The following OR6C74 variants were observed in gnomAD, a reference collection of about 807,000 sequenced individuals.
The protein encoded by OR6C74 is olfactory receptor family 6 subfamily C member 74.
For synonymous variants in OR6C74, 142 were observed against 134.2 expected (o/e 1.06, Z -0.40); for missense variants, 361 against 362.9 (o/e 0.99, Z 0.04).
In OR6C74 at chr12:55,248,268, CAAG is replaced by C; in HGVS notation, c.*47_*49del. The C allele has an allele frequency of 7.7e-7, 1 of 1,290,588 alleles. No individual in the cohort carries two copies. The allele number at this position is 1,290,588 out of a possible 1,614,324, so 79.9% of individuals were successfully genotyped here. Reference sequence around the variant, plus strand: ...TATTAAGGTTATTAGTAAAATAAAACAAGAAGAGTGGAGTATGTGCAAAGTTTT... The same window carrying C: ...TATTAAGGTTATTAGTAAAATAAAACAAGAGTGGAGTATGTGCAAAGTTTT... On this transcript the variant is annotated 3_prime_UTR_variant, in exon 2 of 2. Coordinates refer to ENST00000343399, the MANE Select transcript of OR6C74 (RefSeq NM_001005490.2).
rs998440450 is a variant in OR6C74 at position 55,249,532 on chromosome 12, A to G, written c.*1306A>G. Among the ~76,000 whole-genome samples, 4 of 152,040 alleles carry G rather than the reference A, an allele frequency of 2.6e-5. No individual in the cohort carries two copies. The highest frequency in any genetic ancestry group is 9.7e-5 in the African/African-American group (4 of 41,434). ...GAAATTTTATTTGAATTTTACAAGCATTAGTGAGAAGCTTTAAATATATAT... is the reference window on the plus strand; with the variant it reads ...GAAATTTTATTTGAATTTTACAAGCGTTAGTGAGAAGCTTTAAATATATAT... On this transcript the variant is annotated 3_prime_UTR_variant, in exon 2 of 2. Transcript: ENST00000343399.
rs549737340 is a variant in OR6C74, at chr12:55,249,205, A to C, written c.*979A>C. Reference sequence around the variant, plus strand: ...CACAGAGTACCTTATTTTTCAAATTAAGTGGTTTGAACATTAAAATTAGAT... The same window carrying C: ...CACAGAGTACCTTATTTTTCAAATTCAGTGGTTTGAACATTAAAATTAGAT... On this transcript the variant is annotated 3_prime_UTR_variant, in exon 2 of 2. Transcript: ENST00000343399. Among the ~76,000 whole-genome samples, 83 of 152,240 alleles carry C rather than the reference A, an allele frequency of 5.5e-4. No homozygotes were observed. Among genetic ancestry groups the C allele is most frequent in the Non-Finnish European group, 1.1e-3 (75 of 67,996 alleles).
rs898655458 is a variant in OR6C74, at chr12:55,247,728, G to T, written c.441G>T (p.Trp147Cys). 2.5e-6 allele frequency: 4 copies of T among 1,613,822 alleles called. No homozygotes were observed. Among genetic ancestry groups the T allele is most frequent in the Non-Finnish European group, 2.5e-6 (3 of 1,179,996 alleles). ...GCAGCTTGCTGGTCTTTGCTTCATGGATGGCTGGCTTCCTAATAATTTTTC... is the reference window on the plus strand; with the variant it reads ...GCAGCTTGCTGGTCTTTGCTTCATGTATGGCTGGCTTCCTAATAATTTTTC... ...RVCSLLVFAS[W>C]MAGFLIIFPP... is the part of the protein sequence containing the mutation. Residue 147 changes from tryptophan (W) to cysteine (C), a missense_variant, in exon 2 of 2, where the codon TGG becomes TGT. Trp to Cys is a radical substitution (Grantham distance 215, BLOSUM62 -2). Transcript: ENST00000343399.
At chr12:55,247,217 T>C in intron 1 of OR6C74, 62 bp from the exon 2 acceptor site, 1 of 879,838 alleles carries the variant, frequency 1.1e-6, no homozygotes, top group East Asian at 2.5e-5. Context: ...TCAAGAAAAA[T>C]GGGTATCTCA....
At chr12:55,245,057 G>A (rs1194000715) in intron 1 of OR6C74, among the ~76,000 whole-genome samples, 1 of 152,100 alleles carries the variant, frequency 6.6e-6, no homozygotes, top group Non-Finnish European at 1.5e-5. Flanking sequence ...TACTAACTTT[G>A]TTGCATGAAG....
In OR6C74 at chr12:55,247,263, T is replaced by G. The variant is rs1156780147; in HGVS notation, c.-9-16T>G. 1 of 1,420,142 alleles carries G rather than the reference T, an allele frequency of 7.0e-7. No individual in the cohort carries two copies. Among genetic ancestry groups the G allele is most frequent in the Non-Finnish European group, 9.7e-7 (1 of 1,036,120 alleles). 88.0% of individuals were successfully genotyped at this position (1,420,142 alleles called of 1,614,324 possible). On this transcript the variant is annotated splice_polypyrimidine_tract_variant and intron_variant, in intron 1 of 1. Coordinates refer to ENST00000343399, the MANE Select transcript of OR6C74 (RefSeq NM_001005490.2). ...TCCTCTTCTGTTCTAATTTTTCTTC[T>G]TATTTTTAAAAATAGAAATCAACTA...
chr12:55,247,014 A>T (rs1292187680), intron 1 of OR6C74, among the ~76,000 whole-genome samples: 2 of 152,202 alleles, frequency 1.3e-5, no homozygotes, highest in Admixed American at 6.5e-5. Context: ...TTGTTTTTAT[A>T]TTGACATGAC....
At chr12:55,245,017 T>G (rs1565646673) in intron 1 of OR6C74, among the ~76,000 whole-genome samples, 200 bp downstream of exon 1, 1 of 152,076 alleles carries the variant, frequency 6.6e-6, no homozygotes, top group East Asian at 1.9e-4. Flanking sequence ...ACATTAAAGT[T>G]TGGAAAAAAT....
Position 55,253,060 on chromosome 12 carries a change from T to C in OR6C74, c.*4834T>C, listed in dbSNP as rs1410932812. On this transcript the variant is annotated 3_prime_UTR_variant, in exon 2 of 2. Transcript: ENST00000343399. ...CCTTGGCCTGTGGGCTATGGTTTGC[T>C]GGCCTGTGGAATAAATGATGGCAAA... Among the ~76,000 whole-genome samples, 1 of 152,046 alleles carries C rather than the reference T, an allele frequency of 6.6e-6. No individual in the cohort carries two copies. The highest frequency in any genetic ancestry group is 1.5e-5 in the Non-Finnish European group (1 of 67,958).
chr12:55,247,414 A>C lies in OR6C74; in HGVS notation c.127A>C (p.Ile43Leu), dbSNP rs1954277885. Residue 43 changes from isoleucine to leucine, a missense_variant, in exon 2 of 2, where the codon ATC (isoleucine) becomes CTC (leucine). Transcript: ENST00000343399. ...YMLSITGNLT[I>L]ITLTLLDLHL... The stretch of plus-strand genomic sequence containing the variant: ...GTTGAGCATCACTGGGAATCTAACC[A>C]TCATCACTCTCACCCTACTGGATTT... 1 of 1,613,154 alleles carries C rather than the reference A, an allele frequency of 6.2e-7. No homozygotes were observed. The highest frequency in any genetic ancestry group is 8.5e-7 in the Non-Finnish European group (1 of 1,179,298).
chr12:55,253,974 T>C lies in OR6C74; in HGVS notation c.*5748T>C, dbSNP rs1459405882. Reference sequence around the variant, plus strand: ...AACCTAATGAGCTGCCTGTTTATTTTAGTCCTAGGAACTTCATAATCTGTT... The same window carrying C: ...AACCTAATGAGCTGCCTGTTTATTTCAGTCCTAGGAACTTCATAATCTGTT... On this transcript the variant is annotated 3_prime_UTR_variant, in exon 2 of 2. Transcript: ENST00000343399. Among the ~76,000 whole-genome samples the C allele has an allele frequency of 6.6e-6, 1 of 152,098 alleles. No homozygotes were observed. Among genetic ancestry groups the C allele is most frequent in the African/African-American group, 2.4e-5 (1 of 41,438 alleles).
rs1261189675 is a variant in OR6C74, at chr12:55,248,238, G to A, written c.*12G>A. 2.0e-6 allele frequency: 3 copies of A among 1,522,874 alleles called. No individual in the cohort carries two copies. The highest frequency in any genetic ancestry group is 2.3e-5 in the East Asian group (1 of 44,344). The allele number at this position is 1,522,874 out of a possible 1,614,324, so 94.3% of individuals were successfully genotyped here. A position where few individuals can be genotyped will look rare whatever the true frequency, so the allele number is the denominator to read the frequency against. ...TCTCAATGAAATGAATCACTTTAAC[G>A]ATATTATTAAGGTTATTAGTAAAAT... On this transcript the variant is annotated 3_prime_UTR_variant, in exon 2 of 2. Transcript: ENST00000343399.
chr12:55,247,210 A>G (rs145410175), intron 1 of OR6C74, 69 bp from the exon 2 acceptor site: 5 of 850,554 alleles, frequency 5.9e-6, no homozygotes, highest in African/African-American at 5.1e-5. Flanking sequence ...GTGGATTTCA[A>G]GAAAAATGGG....
At position 55,247,809 on chromosome 12, in the gene OR6C74, T is replaced by G; in HGVS notation, c.522T>G (p.His174Gln). Reference sequence around the variant, plus strand: ...TCTGTGCAGCCAACACTGTAGATCATTTCTTCTGTGATGTTTCTCCTATAC... The same window carrying G: ...TCTGTGCAGCCAACACTGTAGATCAGTTCTTCTGTGATGTTTCTCCTATAC... ...LDFCAANTVD[H>Q]FFCDVSPILQ... Residue 174 changes from histidine (H) to glutamine (Q), a missense_variant, in exon 2 of 2, where the codon CAT becomes CAG. Coordinates refer to ENST00000343399, the MANE Select transcript of OR6C74 (RefSeq NM_001005490.2). 6.2e-7 allele frequency: 1 copy of G among 1,614,068 alleles called. No homozygotes were observed. Among genetic ancestry groups the G allele is most frequent in the African/African-American group, 1.3e-5 (1 of 75,042 alleles).
rs1329744361 is a variant in OR6C74, at chr12:55,256,625, C to T, written c.*8399C>T. ...CTTCATCCCCATGTGACCATCTCAC[C>T]TCATAATCAAAAGACCCTAAATCCC... On this transcript the variant is annotated 3_prime_UTR_variant, in exon 2 of 2. Transcript: ENST00000343399. 6.6e-6 allele frequency among the ~76,000 whole-genome samples: 1 copy of T among 152,066 alleles called. No individual in the cohort carries two copies. The highest frequency in any genetic ancestry group is 1.5e-5 in the Non-Finnish European group (1 of 68,004).
At chr12:55,247,039 C>T (rs2136313307) in intron 1 of OR6C74, among the ~76,000 whole-genome samples, 1 of 152,066 alleles carries the variant, frequency 6.6e-6, no homozygotes, top group East Asian at 1.9e-4. Context: ...ATCGATGCAA[C>T]ATATTATCCC....
In OR6C74 at chr12:55,252,924, T is replaced by C. The variant is rs1355684303; in HGVS notation, c.*4698T>C. On this transcript the variant is annotated 3_prime_UTR_variant, in exon 2 of 2. Transcript: ENST00000343399. Reference sequence around the variant, plus strand: ...ATCATACATTTCTGATTTGCTTCTCTTCCTTTTTTTTCTTCTCCACCTCCC... The same window carrying C: ...ATCATACATTTCTGATTTGCTTCTCCTCCTTTTTTTTCTTCTCCACCTCCC... Among the ~76,000 whole-genome samples, 1 of 152,048 alleles carries C rather than the reference T, an allele frequency of 6.6e-6. No individual in the cohort carries two copies. Among genetic ancestry groups the C allele is most frequent in the African/African-American group, 2.4e-5 (1 of 41,452 alleles).
At chr12:55,246,709 A>G (rs993756833) in intron 1 of OR6C74, among the ~76,000 whole-genome samples, 2 of 152,170 alleles carry the variant, frequency 1.3e-5, no homozygotes, top group Non-Finnish European at 2.9e-5. Flanking sequence ...AGAGATAAAA[A>G]TGGTCATGAG....
At position 55,247,601 on chromosome 12, in the gene OR6C74, T is replaced by C; in HGVS notation, c.314T>C (p.Leu105Ser). Residue 105 changes from leucine (L) to serine (S), a missense_variant, in exon 2 of 2, where the codon TTG (leucine) becomes TCG (serine). Transcript: ENST00000343399. ...GCACAGCTGTTTTTCACTATTCTCT[T>C]GGGGGCAACTGAATTTTTTCTTCTG... is the stretch of plus-strand genomic sequence containing the variant. ...CAAQLFFTIL[L>S]GATEFFLLAA... 1 of 1,613,974 alleles carries C rather than the reference T, an allele frequency of 6.2e-7. No individual in the cohort carries two copies. Among genetic ancestry groups the C allele is most frequent in the Non-Finnish European group, 8.5e-7 (1 of 1,179,962 alleles).
Sources: gnomAD v4.1 joint callset for allele counts (sites outside exome capture counted in the v4.1 genomes callset) on GRCh38, gnomAD v4.1.1 for gene constraint, MANE v1.5 for transcripts, NCBI Gene and HGNC (gene_info 2026-07-23, HGNC 2026-07-21) for gene names.